DLG2: variants seen among roughly 807,000 people sequenced by gnomAD.
The protein encoded by DLG2 is disks large homolog 2.
A neutral mutation model predicts 132.5 loss-of-function variants in DLG2; 45 were observed. That is an observed-to-expected ratio of 0.34 (90% CI 0.27 to 0.44). The LOEUF is 0.44. Ranked by LOEUF, DLG2 falls within the 20% of genes least tolerant of loss-of-function variation. The probability of loss-of-function intolerance (pLI) is 1.00; values close to 1 mark genes in which losing one functional copy is unlikely to be tolerated. For missense variants in DLG2, 1,045 were observed against 1,196.9 expected, an observed-to-expected ratio of 0.87 and a Z score of 1.87; for synonymous variants, 424 against 419.6, an observed-to-expected ratio of 1.01 and a Z score of -0.13.
intron 6 of DLG2, among the ~76,000 whole-genome samples, chr11:84,962,285 C>T (rs2052690719): frequency 6.6e-6 from 1 of 152,158 alleles, no homozygotes; most frequent in African/African-American, 2.4e-5. Context: ...AGACTTGAAC[C>T]CAAGCTGCTG....
chr11:85,213,835 G>A (rs1226347431), intron 4 of DLG2, among the ~76,000 whole-genome samples: 1 of 151,966 alleles, frequency 6.6e-6, no homozygotes, highest in Non-Finnish European at 1.5e-5. Flanking sequence ...GAATTGTATT[G>A]GTTTACAATG....
At chr11:83,787,323 G>GTTTTTTTTTTT (rs1369444931) in intron 17 of DLG2, among the ~76,000 whole-genome samples, 2 of 118,206 alleles carry the variant, frequency 1.7e-5, no homozygotes, top group Non-Finnish European at 3.3e-5. Flanking sequence ...TTTTTTTTTT[G>GTTTTTTTTTTT]TTTTTTTTTT....
intron 6 of DLG2, among the ~76,000 whole-genome samples, chr11:84,998,684 A>G (rs2057917554): frequency 6.6e-6 from 1 of 152,052 alleles, no homozygotes; most frequent in Non-Finnish European, 1.5e-5. Flanking sequence ...ACCTTCCAAG[A>G]CCTGGAATTA....
intron 7 of DLG2, among the ~76,000 whole-genome samples, chr11:84,294,884 T>C (rs906373777): frequency 6.6e-6 from 1 of 152,114 alleles, no homozygotes; most frequent in African/African-American, 2.4e-5. Context: ...ATTTGACACA[T>C]TTACCCCAAT....
At chr11:85,341,783 C>A (rs975102624) in intron 3 of DLG2, among the ~76,000 whole-genome samples, 2 of 152,102 alleles carry the variant, frequency 1.3e-5, no homozygotes, top group African/African-American at 4.8e-5. Context: ...TTACACAAGC[C>A]TAGGTGATAA....
Position 83,598,535 on chromosome 11 carries a change from C to T in DLG2, c.1940+34676G>A, listed in dbSNP as rs139070135. 2.7e-3 allele frequency among the ~76,000 whole-genome samples: 406 copies of T among 152,296 alleles called. 6 individuals are homozygous for T. The highest frequency in any genetic ancestry group is 0.016 in the East Asian group (82 of 5,188). On this transcript the variant is annotated intron_variant, in intron 19 of 27. Coordinates refer to ENST00000376104, the MANE Select transcript of DLG2 (RefSeq NM_001142699.3). ...CTTCAAACATTGATTTCCTCTGTCC[C>T]AGCTTTAGGGTTGCTCATCTGCATT...
At chr11:84,623,238 T>A (rs2099616904) in intron 6 of DLG2, among the ~76,000 whole-genome samples, 1 of 152,190 alleles carries the variant, frequency 6.6e-6, no homozygotes. Flanking sequence ...CCCTCCACCA[T>A]GTGGAGGATA....
chr11:83,508,943 T>C (rs1351291189), intron 21 of DLG2, among the ~76,000 whole-genome samples: 1 of 152,224 alleles, frequency 6.6e-6, no homozygotes, highest in African/African-American at 2.4e-5. Context: ...GACGGAAGAA[T>C]TGGTTAATAG....
intron 17 of DLG2, among the ~76,000 whole-genome samples, chr11:83,791,730 T>G (rs1175629105): frequency 6.6e-6 from 1 of 152,102 alleles, no homozygotes; most frequent in East Asian, 1.9e-4. Flanking sequence ...GCCCAGGAGC[T>G]CAAGACCAGC....
chr11:84,838,167 T>G (rs879249958), intron 6 of DLG2, among the ~76,000 whole-genome samples: 2 of 151,988 alleles, frequency 1.3e-5, no homozygotes, highest in Non-Finnish European at 1.5e-5. Context: ...AACCTAATTA[T>G]GTACATATTA....
At chr11:85,407,160 C>A (rs1402255011) in intron 3 of DLG2, among the ~76,000 whole-genome samples, 1 of 151,720 alleles carries the variant, frequency 6.6e-6, no homozygotes, top group Non-Finnish European at 1.5e-5. Context: ...GTAGAGGGAC[C>A]AAATCATGTA....
At chr11:83,891,471 C>A (rs560394077) in intron 15 of DLG2, among the ~76,000 whole-genome samples, 2 of 152,134 alleles carry the variant, frequency 1.3e-5, no homozygotes, top group Non-Finnish European at 2.9e-5. Flanking sequence ...AGGTCATGAG[C>A]GCTTTTAAGC....
chr11:83,589,491 C>T (rs1408087370), intron 19 of DLG2, among the ~76,000 whole-genome samples: 1 of 151,936 alleles, frequency 6.6e-6, no homozygotes, highest in Non-Finnish European at 1.5e-5. Flanking sequence ...CTGAAGGAAG[C>T]ACTAAACATG....
intron 3 of DLG2, among the ~76,000 whole-genome samples, chr11:85,566,766 T>C (rs936100908): frequency 1.3e-5 from 2 of 152,150 alleles, no homozygotes; most frequent in Admixed American, 6.6e-5. Flanking sequence ...TGCAAAGATC[T>C]ACATCTATGT....
intron 18 of DLG2, among the ~76,000 whole-genome samples, chr11:83,714,098 C>T (rs2086128930): frequency 1.3e-5 from 2 of 152,156 alleles, no homozygotes; most frequent in Non-Finnish European, 2.9e-5. Flanking sequence ...CTGTTTTGTT[C>T]TTAACAAAAC....
intron 18 of DLG2, among the ~76,000 whole-genome samples, chr11:83,663,036 C>T (rs1179038939): frequency 6.6e-6 from 1 of 152,184 alleles, no homozygotes; most frequent in African/African-American, 2.4e-5. Context: ...AGTCTTCAAA[C>T]AATTTCTAAG....
At chr11:85,016,757 G>C (rs1054210353) in intron 6 of DLG2, among the ~76,000 whole-genome samples, 2 of 151,988 alleles carry the variant, frequency 1.3e-5, no homozygotes, top group Non-Finnish European at 2.9e-5. Context: ...GTTGCCTTTA[G>C]CTCCTCATTT....
chr11:83,539,863 T>A (rs774788190), intron 20 of DLG2, among the ~76,000 whole-genome samples: 1 of 152,188 alleles, frequency 6.6e-6, no homozygotes, highest in South Asian at 2.1e-4. Flanking sequence ...AGGAATAGCA[T>A]TGAGAATGTT....
chr11:83,512,413 A>C (rs1416188286), intron 21 of DLG2, among the ~76,000 whole-genome samples: 1 of 152,226 alleles, frequency 6.6e-6, no homozygotes, highest in Non-Finnish European at 1.5e-5. Flanking sequence ...AATAAGCAAT[A>C]AACGAGTAAT....
Sources: allele counts gnomAD v4.1 joint callset (sites outside exome capture counted in the v4.1 genomes callset), GRCh38; gene constraint gnomAD v4.1.1; transcripts MANE v1.5; gene names NCBI Gene and HGNC (gene_info 2026-07-23, HGNC 2026-07-21).